The following PROX2 variants were observed in gnomAD, a reference collection of about 807,000 sequenced individuals.
PROX2 encodes prospero homeobox protein 2.
Under a neutral mutation model 48.9 loss-of-function variants are expected in PROX2, and 46 were observed. That is an observed-to-expected ratio of 0.94 (90% CI 0.74 to 1.20). PROX2 has a LOEUF of 1.20. Ranked by LOEUF, PROX2 falls within the 50% of genes most tolerant of loss-of-function variation. PROX2 has a pLI of 0.00. For synonymous variants in PROX2, 260 were observed against 276.6 expected (o/e 0.94, Z 0.60); for missense variants, 663 against 719.4 (o/e 0.92, Z 0.90).
chr14:74,868,900 C>G (rs1372376573), intron 2 of PROX2, among the ~76,000 whole-genome samples: 1 of 152,032 alleles, frequency 6.6e-6, no homozygotes. Context: ...ATCAGACTGC[C>G]TAGACTTGAA....
At position 74,863,347 on chromosome 14, in the gene PROX2, G is replaced by C. The variant is rs2091814761; in HGVS notation, c.488C>G (p.Pro163Arg). 6.2e-7 allele frequency: 1 copy of C among 1,613,940 alleles called. No homozygotes were observed. The highest frequency in any genetic ancestry group is 2.2e-5 in the East Asian group (1 of 44,898). ...AAKPRDTAQGPGGCGTGKGPL... is the reference protein window; with the variant it reads ...AAKPRDTAQGRGGCGTGKGPL... The stretch of plus-strand genomic sequence containing the variant: ...GCCTTTCCCCGTGCCACAGCCTCCT[G>C]GCCCCTGAGCTGTGTCCCTGGGCTT... Residue 163 changes from proline to arginine, a missense_variant, in exon 3 of 6, where the codon CCA becomes CGA. Transcript: ENST00000556489.
At chr14:74,874,193 G>T in intron 1 of PROX2, 1 of 461,168 alleles carries the variant, frequency 2.2e-6, no homozygotes. Context: ...GCTGCAGAAT[G>T]GGAAATCAAG....
At position 74,868,316 on chromosome 14, in the gene PROX2, TATATA is replaced by T. The variant is rs1883119143; in HGVS notation, c.-175+2782_-175+2786del. Among the ~76,000 whole-genome samples, 8 of 9,866 alleles carry T rather than the reference TATATA, an allele frequency of 8.1e-4. 1 individual carries two copies. Among genetic ancestry groups the T allele is most frequent in the Non-Finnish European group, 1.3e-3 (7 of 5,412 alleles). 6.5% of individuals were successfully genotyped at this position (9,866 alleles called of 152,430 possible). A position where few individuals can be genotyped will look rare whatever the true frequency, so the allele number is the denominator to read the frequency against. On this transcript the variant is annotated intron_variant, in intron 2 of 5. Transcript: ENST00000556489. ...AGAAGTTTATAATTTCTCGTAATTA[TATATA>T]TATATATATATATATATATATATAT...
chr14:74,868,283 A>G (rs1190565160), intron 2 of PROX2, among the ~76,000 whole-genome samples: 1 of 139,480 alleles, frequency 7.2e-6, no homozygotes, highest in Non-Finnish European at 1.5e-5. Flanking sequence ...TCTTTTCTCC[A>G]TGTACAGAGA....
At chr14:74,875,517 T>A (rs1018487385) in intron 1 of PROX2, among the ~76,000 whole-genome samples, 2 of 152,218 alleles carry the variant, frequency 1.3e-5, no homozygotes, top group African/African-American at 4.8e-5. Flanking sequence ...CTACTCCCAG[T>A]CATTGGCCCT....
rs1403167512 is a variant in PROX2 at position 74,855,102 on chromosome 14, T to C, written c.*30A>G. 1.4e-6 allele frequency: 2 copies of C among 1,456,392 alleles called. No individual in the cohort carries two copies. The highest frequency in any genetic ancestry group is 1.4e-5 in the African/African-American group (1 of 71,858). 90.2% of individuals were successfully genotyped at this position (1,456,392 alleles called of 1,614,324 possible). Reference sequence around the variant, plus strand: ...CCAGGAAACCCTAGCCAGTCACTCCTCACGTTGTGGGATCTTAACCCCGAA... The same window carrying C: ...CCAGGAAACCCTAGCCAGTCACTCCCCACGTTGTGGGATCTTAACCCCGAA... On this transcript the variant is annotated 3_prime_UTR_variant, in exon 6 of 6. Coordinates refer to ENST00000556489, the MANE Select transcript of PROX2 (RefSeq NM_001243007.2).
intron 2 of PROX2, among the ~76,000 whole-genome samples, chr14:74,867,553 A>C (rs1350183743): frequency 2.0e-5 from 3 of 152,182 alleles, no homozygotes; most frequent in African/African-American, 7.2e-5. Flanking sequence ...CCATTGAATA[A>C]ATTGTCCATA....
chr14:74,862,570 A>T lies in PROX2; in HGVS notation c.1265T>A (p.Leu422Gln). The change falls in exon 3 of 6, where the codon CTG (leucine) becomes CAG (glutamine). Residue 422 changes from leucine (L) to glutamine (Q), a missense_variant. Coordinates refer to ENST00000556489, the MANE Select transcript of PROX2 (RefSeq NM_001243007.2). The part of the protein sequence containing the change: ...LPSVKMEQRG[L>Q]HAVMEALPFS... ...AGGCAGTGCCTCCATGACAGCATGC[A>T]GGCCTCTCTGTTCCATCTTCACCGA... 1 of 1,613,956 alleles carries T rather than the reference A, an allele frequency of 6.2e-7. No homozygotes were observed. The highest frequency in any genetic ancestry group is 1.1e-5 in the South Asian group (1 of 91,082).
chr14:74,854,396 T>G lies in PROX2; in HGVS notation c.*736A>C, dbSNP rs997955149. ...TCAGGTGACGGTGCCCTGTCAGCGC[T>G]GGATGCTTACTAGGGGTGGGGTCCT... On this transcript the variant is annotated 3_prime_UTR_variant, in exon 6 of 6. Transcript: ENST00000556489. 9.9e-6 allele frequency: 3 copies of G among 303,056 alleles called. No homozygotes were observed. The highest frequency in any genetic ancestry group is 2.0e-5 in the Non-Finnish European group (3 of 150,894). The allele number at this position is 303,056 out of a possible 1,614,324, so 18.8% of individuals were successfully genotyped here.
At chr14:74,864,768 C>A (rs376270455) in intron 2 of PROX2, among the ~76,000 whole-genome samples, 1 of 150,928 alleles carries the variant, frequency 6.6e-6, no homozygotes, top group Non-Finnish European at 1.5e-5. Flanking sequence ...CTTGATCCTG[C>A]GAGGTGGAGG....
chr14:74,855,311 C>T lies in PROX2; in HGVS notation c.1609-9G>A, dbSNP rs748359604. On this transcript the variant is annotated splice_polypyrimidine_tract_variant and intron_variant, in intron 5 of 5. Transcript: ENST00000556489. Reference sequence around the variant, plus strand: ...AAGAAGCAATCTGGAACCTGCATTTCCAAAGAGACCCACAAGAAAGAAAAG... The same window carrying T: ...AAGAAGCAATCTGGAACCTGCATTTTCAAAGAGACCCACAAGAAAGAAAAG... 6.5e-7 allele frequency: 1 copy of T among 1,533,456 alleles called. No individual in the cohort carries two copies. The highest frequency in any genetic ancestry group is 2.3e-5 in the East Asian group (1 of 43,210). The allele number at this position is 1,533,456 out of a possible 1,614,324, so 95.0% of individuals were successfully genotyped here.
At chr14:74,864,193 A>G (rs2091824688) in intron 2 of PROX2, among the ~76,000 whole-genome samples, 185 bp from the exon 3 acceptor site, 2 of 151,988 alleles carry the variant, frequency 1.3e-5, no homozygotes, top group Admixed American at 6.6e-5. Context: ...TGGTCTCAGA[A>G]CCCCACTTTG....
chr14:74,873,825 G>T, intron 1 of PROX2: 1 of 456,466 alleles, frequency 2.2e-6, no homozygotes, highest in Non-Finnish European at 4.3e-6. Flanking sequence ...TAGCACTTAT[G>T]ATGACATTGA....
Position 74,863,954 on chromosome 14 carries a change from G to C in PROX2, c.-120C>G. ...AGAAGGGTAAAGAGCCACTGTCACT[G>C]AGGAAGGATTCAGATTCTGGGATGC... On this transcript the variant is annotated 5_prime_UTR_variant, in exon 3 of 6. Transcript: ENST00000556489. The C allele has an allele frequency of 8.1e-7, 1 of 1,236,684 alleles. No individual in the cohort carries two copies. The highest frequency in any genetic ancestry group is 3.1e-5 in the South Asian group (1 of 31,824). 76.6% of individuals were successfully genotyped at this position (1,236,684 alleles called of 1,614,324 possible). A position where few individuals can be genotyped will look rare whatever the true frequency, so the allele number is the denominator to read the frequency against.
At chr14:74,871,955 T>C (rs1883225847) in intron 1 of PROX2, 1 of 152,204 alleles carries the variant, frequency 6.6e-6, no homozygotes, top group African/African-American at 2.4e-5. Context: ...TTCCATGGAA[T>C]ATCCCTGGAG....
chr14:74,861,108 C>T, intron 3 of PROX2: 1 of 775,332 alleles, frequency 1.3e-6, no homozygotes, highest in South Asian at 1.3e-5. Context: ...GCGCTCATGG[C>T]ATTTAGGACA....
Position 74,863,503 on chromosome 14 carries a change from G to C in PROX2, c.332C>G (p.Pro111Arg). ...AGGGGCTGGCATCAGGAGGCCTTGC[G>C]GTGTGGGAAGGTTCTGCTTCCTCTT... ...ERKRKQNLPT[P>R]QGLLMPAPAW... The change falls in exon 3 of 6, where the codon CCG (proline) becomes CGG (arginine). Residue 111 changes from proline (P) to arginine (R), a missense_variant. Physicochemically the swap from Pro to Arg is moderately radical, Grantham distance 103. Coordinates refer to ENST00000556489, the MANE Select transcript of PROX2 (RefSeq NM_001243007.2). 6.2e-7 allele frequency: 1 copy of C among 1,613,540 alleles called. No homozygotes were observed. The highest frequency in any genetic ancestry group is 1.1e-5 in the South Asian group (1 of 90,976).
At position 74,862,525 on chromosome 14, in the gene PROX2, G is replaced by T; in HGVS notation, c.1305+5C>A. 6.2e-7 allele frequency: 1 copy of T among 1,609,718 alleles called. No individual in the cohort carries two copies. The highest frequency in any genetic ancestry group is 8.5e-7 in the Non-Finnish European group (1 of 1,178,254). On this transcript the variant is annotated splice_donor_5th_base_variant and intron_variant, in intron 3 of 5. Coordinates refer to ENST00000556489, the MANE Select transcript of PROX2 (RefSeq NM_001243007.2). ...ATGAGAACTTCAATTGCTATTAAAG[G>T]ATATGTGGACCAAAGAGAAAGGCAG...
intron 1 of PROX2, chr14:74,874,087 A>G: frequency 1.9e-6 from 1 of 527,798 alleles, no homozygotes; most frequent in South Asian, 1.4e-5. Flanking sequence ...AAAATAATAA[A>G]GGGATAGATA....
Sources: allele counts gnomAD v4.1 joint callset (sites outside exome capture counted in the v4.1 genomes callset), GRCh38; gene constraint gnomAD v4.1.1; transcripts MANE v1.5; gene names NCBI Gene and HGNC (gene_info 2026-07-23, HGNC 2026-07-21).